Variants in DNAH17 observed in about 807,000 individuals in gnomAD.
DNAH17 encodes axonemal beta dynein heavy chain 17.
Under a neutral mutation model 485.6 loss-of-function variants are expected in DNAH17, and 376 were observed. That is an observed-to-expected ratio of 0.77 (90% confidence interval 0.71 to 0.84). The LOEUF (loss-of-function observed/expected upper bound fraction) is 0.84, where lower values mean the gene tolerates loss of function less well. Among genes scored for constraint, DNAH17 ranks in the 40% least tolerant of loss-of-function variants. The probability of loss-of-function intolerance (pLI) is 0.00; values close to 1 mark genes in which losing one functional copy is unlikely to be tolerated. For missense variants in DNAH17, 6,370 were observed against 5,839.3 expected (o/e 1.09, Z -2.96); for synonymous variants, 3,031 against 2,405.9 (o/e 1.26, Z -7.60).
chr17:78,459,168 G>C lies in DNAH17; in HGVS notation c.9694C>G (p.Arg3232Gly), dbSNP rs775946342. 5.6e-6 allele frequency: 9 copies of C among 1,613,832 alleles called. No homozygotes were observed. In the African/African-American group the frequency reaches 6.7e-5, roughly 12 times the overall value. The change falls in exon 61 of 81, where the codon CGC becomes GGC. Residue 3232 changes from arginine (R) to glycine (G), a missense_variant. By Grantham distance (125) the Arg-to-Gly change is moderately radical. Coordinates refer to ENST00000389840, the MANE Select transcript of DNAH17 (RefSeq NM_173628.4). The part of the protein sequence containing the change: ...GNPTFDPEFI[R>G]SKSTAAAGLC... The stretch of plus-strand genomic sequence containing the variant: ...CCGGCGGCGGCCGTGGACTTGGAGC[G>C]GATGAACTCGGGGTCGAACGTCGGG...
chr17:78,454,462 G>T lies in DNAH17; in HGVS notation c.10406+8C>A, dbSNP rs747100351. 1 of 1,605,856 alleles carries T rather than the reference G, an allele frequency of 6.2e-7. No homozygotes were observed. The highest frequency in any genetic ancestry group is 8.5e-7 in the Non-Finnish European group (1 of 1,175,904). ...GGGCTTCGGCCCAGGTCCTGCGCCC[G>T]CACACACCTCTTCTGTCCCAGGCGG... is the stretch of plus-strand genomic sequence containing the variant. On this transcript the variant is annotated splice_region_variant and intron_variant, in intron 64 of 80. Transcript: ENST00000389840.
chr17:78,441,313 G>T, intron 71 of DNAH17, 114 bp from the exon 72 acceptor site: 2 of 1,159,988 alleles, frequency 1.7e-6, no homozygotes, highest in Non-Finnish European at 2.4e-6. Context: ...ACTTTCTTCA[G>T]CGGGACAAGG....
At position 78,496,153 on chromosome 17, in the gene DNAH17, T is replaced by C. The variant is rs576641281; in HGVS notation, c.5746-121A>G. 2.7e-6 allele frequency: 3 copies of C among 1,098,074 alleles called. No individual in the cohort carries two copies. In the South Asian group the frequency reaches 5.6e-5, roughly 20 times the overall value. 68.0% of individuals were successfully genotyped at this position (1,098,074 alleles called of 1,614,324 possible). On this transcript the variant is annotated intron_variant, in intron 37 of 80. Transcript: ENST00000389840. ...TTTGCGCCTGCAAATTCAAACCTCC[T>C]AGTTTATTTTTTAAATTAAGCCTTT...
In DNAH17 at chr17:78,426,791, A is replaced by C. The variant is rs72914885; in HGVS notation, c.12771+135T>G. On this transcript the variant is annotated intron_variant, in intron 78 of 80. Coordinates refer to ENST00000389840, the MANE Select transcript of DNAH17 (RefSeq NM_173628.4). Reference sequence around the variant, plus strand: ...ATGAGCTCCCGGGGCTTGTTCTGGAACTGCCAGAGCTCTGGAGAGGGAGCA... The same window carrying C: ...ATGAGCTCCCGGGGCTTGTTCTGGACCTGCCAGAGCTCTGGAGAGGGAGCA... 208,848 of 1,293,434 alleles carry C rather than the reference A, an allele frequency of 0.16. 17,876 individuals are homozygous for C. The highest frequency in any genetic ancestry group is 0.21 in the Middle Eastern group (805 of 3,868). 80.1% of individuals were successfully genotyped at this position (1,293,434 alleles called of 1,614,324 possible).
Position 78,423,857 on chromosome 17 carries a change from T to G in DNAH17, c.*49A>C, listed in dbSNP as rs1427343108. 1 of 1,605,024 alleles carries G rather than the reference T, an allele frequency of 6.2e-7. No homozygotes were observed. Among genetic ancestry groups the G allele is most frequent in the Non-Finnish European group, 8.5e-7 (1 of 1,173,862 alleles). On this transcript the variant is annotated 3_prime_UTR_variant, in exon 81 of 81. Transcript: ENST00000389840. Reference sequence around the variant, plus strand: ...AGTCACAGGTGCACAGGTGAAGGGCTGAGTTGTGGTCCAGCCCCAGGGAGT... The same window carrying G: ...AGTCACAGGTGCACAGGTGAAGGGCGGAGTTGTGGTCCAGCCCCAGGGAGT...
intron 79 of DNAH17, among the ~76,000 whole-genome samples, chr17:78,426,052 C>T (rs535325379): frequency 6.6e-6 from 1 of 152,218 alleles, no homozygotes; most frequent in East Asian, 1.9e-4. Flanking sequence ...TGTGAACCAC[C>T]GTGTCCAGCT....
intron 51 of DNAH17, among the ~76,000 whole-genome samples, chr17:78,477,983 A>G (rs1247715143): frequency 7.4e-6 from 1 of 135,440 alleles, no homozygotes; most frequent in Non-Finnish European, 1.5e-5. Context: ...CATCATCATC[A>G]CCACCATCAC....
In DNAH17 at chr17:78,486,480, C is replaced by G; in HGVS notation, c.6845G>C (p.Arg2282Pro). 1.2e-6 allele frequency: 2 copies of G among 1,611,086 alleles called. No individual in the cohort carries two copies. The highest frequency in any genetic ancestry group is 1.7e-6 in the Non-Finnish European group (2 of 1,178,384). The change falls in exon 45 of 81, where the codon CGC becomes CCC. Residue 2282 changes from arginine (R) to proline (P), a missense_variant. Physicochemically the swap from Arg to Pro is moderately radical, Grantham distance 103. Coordinates refer to ENST00000389840, the MANE Select transcript of DNAH17 (RefSeq NM_173628.4). Reference sequence around the variant, plus strand: ...GTTGGCCTTCTCCGACTGCACCTTGCGCCTCTCGATCCAGCTGCTCACCAC... The same window carrying G: ...GTTGGCCTTCTCCGACTGCACCTTGGGCCTCTCGATCCAGCTGCTCACCAC... ...NPVVSSWIER[R>P]KVQSEKANLM...
chr17:78,468,935 A>G, intron 54 of DNAH17, 52 bp from the exon 55 acceptor site: 1 of 1,570,812 alleles, frequency 6.4e-7, no homozygotes, highest in Non-Finnish European at 8.6e-7. Flanking sequence ...ATGCTCAATT[A>G]GAGACATCCT....
intron 62 of DNAH17, 98 bp downstream of exon 62, chr17:78,458,467 A>T: frequency 9.6e-7 from 1 of 1,041,560 alleles, no homozygotes; most frequent in Non-Finnish European, 1.5e-6. Context: ...GGCTGCTTCC[A>T]CCTGGGCTCC....
chr17:78,443,141 A>G (rs2087138342), intron 71 of DNAH17, among the ~76,000 whole-genome samples: 1 of 152,174 alleles, frequency 6.6e-6, no homozygotes, highest in African/African-American at 2.4e-5. Context: ...AGGTGGCCAG[A>G]GTGCAGTCAC....
At chr17:78,447,370 C>T (rs778926215) in intron 69 of DNAH17, among the ~76,000 whole-genome samples, 9 of 152,132 alleles carry the variant, frequency 5.9e-5, no homozygotes, top group Non-Finnish European at 1.3e-4. Flanking sequence ...GCCATCTTGT[C>T]GCTTGTGCAT....
intron 8 of DNAH17, 38 bp downstream of exon 8, chr17:78,569,337 C>A: frequency 6.2e-7 from 1 of 1,608,986 alleles, no homozygotes; most frequent in Non-Finnish European, 8.5e-7. Context: ...TGAACTCACT[C>A]GTCCTGCCTT....
chr17:78,561,668 G>C, intron 12 of DNAH17, 47 bp downstream of exon 12: 1 of 1,554,408 alleles, frequency 6.4e-7, no homozygotes, highest in Non-Finnish European at 8.7e-7. Flanking sequence ...TCGCTCTCCC[G>C]CACCATGGAG....
In DNAH17 at chr17:78,451,560, A is replaced by C. The variant is rs756493897; in HGVS notation, c.10643T>G (p.Leu3548Arg). 6.2e-7 allele frequency: 1 copy of C among 1,613,660 alleles called. No individual in the cohort carries two copies. The change falls in exon 66 of 81, where the codon CTC (leucine) becomes CGC (arginine). Residue 3548 changes from leucine to arginine, a missense_variant. Leu to Arg is a moderately radical substitution (Grantham distance 102). Coordinates refer to ENST00000389840, the MANE Select transcript of DNAH17 (RefSeq NM_173628.4). ...ATCCCTGGTGACCAGGAAGTTGATG[A>C]GGGTGCACTGAGCCTGCATCTCTGG... ...YKPEMQAQCT[L>R]INFLVTRDGL...
chr17:78,455,783 T>C lies in DNAH17; in HGVS notation c.10031A>G (p.Asn3344Ser). The C allele has an allele frequency of 6.2e-7, 1 of 1,613,338 alleles. No individual in the cohort carries two copies. The highest frequency in any genetic ancestry group is 8.5e-7 in the Non-Finnish European group (1 of 1,179,644). The change falls in exon 63 of 81, where the codon AAC becomes AGC. Residue 3344 changes from asparagine (N) to serine (S), a missense_variant. Transcript: ENST00000389840. ...ENIRWAESVE[N>S]FRSQGVTLCG... ...CAGCGTGACCCCCTGGCTCCTGAAGTTCTCCACAGACTCAGCCCAGCGGAT... is the reference window on the plus strand; with the variant it reads ...CAGCGTGACCCCCTGGCTCCTGAAGCTCTCCACAGACTCAGCCCAGCGGAT...
intron 17 of DNAH17, among the ~76,000 whole-genome samples, chr17:78,540,127 G>A (rs2091482057): frequency 6.6e-6 from 1 of 151,976 alleles, no homozygotes. Context: ...CCTCCCAAAG[G>A]AATCCTCCAT....
chr17:78,461,462 G>A (rs765471390), intron 58 of DNAH17, 82 bp downstream of exon 58: 306 of 1,353,694 alleles, frequency 2.3e-4, no homozygotes, highest in Non-Finnish European at 2.7e-4. Context: ...CCTGTCGGTG[G>A]CACCTGACCA....
At chr17:78,566,942 C>G in intron 10 of DNAH17, 57 bp downstream of exon 10, 1 of 1,547,910 alleles carries the variant, frequency 6.5e-7, no homozygotes, top group Non-Finnish European at 8.7e-7. Flanking sequence ...AAGCTGGTAC[C>G]GAGGCTGGTG....
Sources: allele counts gnomAD v4.1 joint callset (sites outside exome capture counted in the v4.1 genomes callset), GRCh38; gene constraint gnomAD v4.1.1; transcripts MANE v1.5; gene names NCBI Gene and HGNC (gene_info 2026-07-23, HGNC 2026-07-21).